The following NKAIN2 variants were observed in gnomAD, a reference collection of about 807,000 sequenced individuals.
The protein encoded by NKAIN2 is sodium/potassium-transporting ATPase subunit beta-1-interacting protein 2.
A neutral mutation model predicts 32.6 loss-of-function variants in NKAIN2; 14 were observed. The ratio of observed to expected loss-of-function variants is 0.43; its 90% CI spans 0.28 to 0.67. The LOEUF is 0.67. Among genes scored for constraint, NKAIN2 ranks in the 30% least tolerant of loss-of-function variants. The pLI is 0.17. For missense variants in NKAIN2, 198 were observed against 258.3 expected (o/e 0.77, Z 1.60); for synonymous variants, 80 against 87.2 (o/e 0.92, Z 0.46).
chr6:124,332,876 C>T (rs1489400752), intron 2 of NKAIN2, among the ~76,000 whole-genome samples: 1 of 152,106 alleles, frequency 6.6e-6, no homozygotes, highest in Non-Finnish European at 1.5e-5. Context: ...TGCACTCATC[C>T]AGGAATGTTA....
chr6:124,062,668 G>A (rs539071627), intron 1 of NKAIN2, among the ~76,000 whole-genome samples: 1 of 152,224 alleles, frequency 6.6e-6, no homozygotes, highest in African/African-American at 2.4e-5. Flanking sequence ...ACCTGCCTCA[G>A]CCTCTCAAAG....
At chr6:124,539,452 T>C (rs1257980402) in intron 3 of NKAIN2, among the ~76,000 whole-genome samples, 1 of 152,110 alleles carries the variant, frequency 6.6e-6, no homozygotes, top group African/African-American at 2.4e-5. Context: ...GGATTTTCCT[T>C]TTGCATGTAT....
intron 1 of NKAIN2, among the ~76,000 whole-genome samples, chr6:124,058,855 C>T (rs1782788262): frequency 6.6e-6 from 1 of 152,062 alleles, no homozygotes; most frequent in African/African-American, 2.4e-5. Context: ...TTTCTTGCTA[C>T]CGTGGCGAAG....
rs190230389 is a variant in NKAIN2, at chr6:124,607,962, C to T, written c.274-50224C>T. On this transcript the variant is annotated intron_variant, in intron 3 of 6. Transcript: ENST00000368417. ...TTCTGAGCATGTTTAAGGTAGGCTA[C>T]GCTAAGCTATGATGTTAGGTATGTT... 8.3e-4 allele frequency among the ~76,000 whole-genome samples: 126 copies of T among 152,160 alleles called. 1 individual carries two copies. In the East Asian group the frequency reaches 0.018, roughly 22 times the overall value.
chr6:124,421,069 A>C (rs1462653591), intron 3 of NKAIN2, among the ~76,000 whole-genome samples: 3 of 81,852 alleles, frequency 3.7e-5, no homozygotes, highest in African/African-American at 6.0e-5. Flanking sequence ...TGGCACTGTC[A>C]AAATTAAAAA....
chr6:124,754,573 A>G (rs981100386), intron 4 of NKAIN2, among the ~76,000 whole-genome samples: 1 of 152,092 alleles, frequency 6.6e-6, no homozygotes, highest in Non-Finnish European at 1.5e-5. Flanking sequence ...ATGCAAATCA[A>G]AGCTACAATG....
At chr6:123,947,556 C>CT (rs1283460048) in intron 1 of NKAIN2, among the ~76,000 whole-genome samples, 3 of 152,070 alleles carry the variant, frequency 2.0e-5, no homozygotes, top group African/African-American at 4.8e-5. Flanking sequence ...GAACTGCCTA[C>CT]TTTTTTTAAG....
chr6:124,459,026 A>G (rs1322534933), intron 3 of NKAIN2, among the ~76,000 whole-genome samples: 1 of 151,842 alleles, frequency 6.6e-6, no homozygotes, highest in Non-Finnish European at 1.5e-5. Flanking sequence ...AATGATCTCT[A>G]GTGAATGTCG....
At chr6:123,908,793 G>T (rs1429625210) in intron 1 of NKAIN2, among the ~76,000 whole-genome samples, 4 of 152,098 alleles carry the variant, frequency 2.6e-5, no homozygotes, top group Non-Finnish European at 4.4e-5. Context: ...TCTTGGTTTG[G>T]AATATACTGA....
In NKAIN2 at chr6:124,384,648, T is replaced by C. The variant is rs4532455; in HGVS notation, c.273+29301T>C. On this transcript the variant is annotated intron_variant, in intron 3 of 6. Coordinates refer to ENST00000368417, the MANE Select transcript of NKAIN2 (RefSeq NM_001040214.3). Reference sequence around the variant, plus strand: ...CACTTTCTGTTTTTTTGAGACAGGGTCTTTATTTGTCACCTATGCTGGAGT... The same window carrying C: ...CACTTTCTGTTTTTTTGAGACAGGGCCTTTATTTGTCACCTATGCTGGAGT... Among the ~76,000 whole-genome samples, 439 of 145,492 alleles carry C rather than the reference T, an allele frequency of 3.0e-3. 3 individuals carry two copies. The highest frequency in any genetic ancestry group is 0.01 in the African/African-American group (416 of 41,146).
chr6:124,785,698 C>T (rs995025137), intron 4 of NKAIN2, among the ~76,000 whole-genome samples: 2 of 152,132 alleles, frequency 1.3e-5, no homozygotes, highest in African/African-American at 4.8e-5. Flanking sequence ...CCCCACTAGC[C>T]TCTGACTGAT....
chr6:124,711,431 T>A (rs1486511820), intron 4 of NKAIN2, among the ~76,000 whole-genome samples: 1 of 149,998 alleles, frequency 6.7e-6, no homozygotes, highest in Non-Finnish European at 1.5e-5. Flanking sequence ...CTTGGTTCCA[T>A]TCTCCCCATC....
intron 3 of NKAIN2, among the ~76,000 whole-genome samples, chr6:124,359,070 A>G (rs2114261884): frequency 6.6e-6 from 1 of 152,234 alleles, no homozygotes. Context: ...TTTGTCAAAG[A>G]TCAGATAGTT....
intron 5 of NKAIN2, among the ~76,000 whole-genome samples, chr6:124,799,602 A>T (rs1024021841): frequency 1.3e-5 from 2 of 152,174 alleles, no homozygotes; most frequent in Non-Finnish European, 1.5e-5. Flanking sequence ...TCTACAACAC[A>T]ATATAGAGGT....
intron 1 of NKAIN2, among the ~76,000 whole-genome samples, chr6:124,164,518 C>T (rs1175814617): frequency 1.3e-5 from 2 of 151,954 alleles, no homozygotes; most frequent in African/African-American, 4.8e-5. Flanking sequence ...GGGAAATCAG[C>T]GTGGAATAGG....
chr6:123,928,466 T>G (rs1239919474), intron 1 of NKAIN2, among the ~76,000 whole-genome samples: 1 of 152,160 alleles, frequency 6.6e-6, no homozygotes, highest in East Asian at 1.9e-4. Flanking sequence ...GTATAGATAA[T>G]GATGTAGACA....
At chr6:124,713,374 G>A (rs1438167902) in intron 4 of NKAIN2, among the ~76,000 whole-genome samples, 1 of 152,212 alleles carries the variant, frequency 6.6e-6, no homozygotes, top group Non-Finnish European at 1.5e-5. Context: ...ATAGTACAGA[G>A]TAGGGTGGTA....
chr6:124,113,617 C>T (rs564701824), intron 1 of NKAIN2, among the ~76,000 whole-genome samples: 55 of 152,212 alleles, frequency 3.6e-4, no homozygotes, highest in Middle Eastern at 3.4e-3. Flanking sequence ...TGTGTCCCCC[C>T]GCCCCGACTC....
At chr6:124,512,436 A>G (rs935862438) in intron 3 of NKAIN2, among the ~76,000 whole-genome samples, 3 of 152,188 alleles carry the variant, frequency 2.0e-5, no homozygotes, top group African/African-American at 4.8e-5. Flanking sequence ...ACCCATATAC[A>G]TTTATATTGA....
Sources: gnomAD v4.1 joint callset for allele counts (sites outside exome capture counted in the v4.1 genomes callset) on GRCh38, gnomAD v4.1.1 for gene constraint, MANE v1.5 for transcripts, NCBI Gene and HGNC (gene_info 2026-07-23, HGNC 2026-07-21) for gene names.